The following WDFY3 variants were observed in gnomAD, a reference collection of about 807,000 sequenced individuals.
WDFY3 encodes the protein WD repeat and FYVE domain-containing protein 3.
Under a neutral mutation model 409.6 loss-of-function variants are expected in WDFY3, and 66 were observed. That is an observed-to-expected ratio of 0.16 (90% confidence interval 0.13 to 0.20). The LOEUF (loss-of-function observed/expected upper bound fraction) is 0.20. Among genes scored for constraint, WDFY3 ranks in the 10% least tolerant of loss-of-function variants. The pLI is 1.00. For synonymous variants in WDFY3, 1,521 were observed against 1,537.1 expected (o/e 0.99, Z 0.25); for missense variants, 3,031 against 4,298.1 (o/e 0.71, Z 8.24).
rs140626962 is a variant in WDFY3, at chr4:84,787,436, G to C, written c.3901+46C>G. On this transcript the variant is annotated intron_variant, in intron 23 of 67. Coordinates refer to ENST00000295888, the MANE Select transcript of WDFY3 (RefSeq NM_014991.6). ...ACACACACATGCATCTATATTGCAG[G>C]AGTTAAGTTTCATACAACTTCAAGA... 27 of 1,559,642 alleles carry C rather than the reference G, an allele frequency of 1.7e-5. No homozygotes were observed. The East Asian group carries it at 3.8e-4, about 22-fold the overall frequency.
rs557086315 is a variant in WDFY3, at chr4:84,711,618, C to T, written c.8042+1541G>A. 2.4e-4 allele frequency among the ~76,000 whole-genome samples: 36 copies of T among 152,064 alleles called. No individual in the cohort carries two copies. In the South Asian group the frequency reaches 4.8e-3, roughly 20 times the overall value. ...CTGTAATTCCAGCACTTTGGGAGGC[C>T]GAGGAGGGCGGATCGCGAGGTCGGG... On this transcript the variant is annotated intron_variant, in intron 51 of 67. Transcript: ENST00000295888.
intron 3 of WDFY3, among the ~76,000 whole-genome samples, chr4:84,877,071 G>A (rs891054369): frequency 6.6e-6 from 1 of 152,104 alleles, no homozygotes; most frequent in Non-Finnish European, 1.5e-5. Flanking sequence ...AGAACTGAAG[G>A]AATATATGTA....
chr4:84,833,944 T>C (rs939492847), intron 7 of WDFY3, among the ~76,000 whole-genome samples: 10 of 152,204 alleles, frequency 6.6e-5, no homozygotes, highest in African/African-American at 2.2e-4. Flanking sequence ...TCAGTAAATA[T>C]GGTACCCTTC....
chr4:84,789,667 ACACCCC>A, intron 22 of WDFY3, 53 bp downstream of exon 22: 1 of 1,346,056 alleles, frequency 7.4e-7, no homozygotes, highest in Non-Finnish European at 1.0e-6. Flanking sequence ...ACACACACAC[ACACCCC>A]CCAAACTACT....
chr4:84,878,671 T>C (rs1350211165), intron 3 of WDFY3, among the ~76,000 whole-genome samples: 2 of 152,230 alleles, frequency 1.3e-5, no homozygotes, highest in East Asian at 3.9e-4. Context: ...AATTCCTCTC[T>C]ACAAACTGCT....
At position 84,820,121 on chromosome 4, in the gene WDFY3, A is replaced by G; in HGVS notation, c.1657T>C (p.Leu553=). ...TTTGATCCTTGAAGAAGCACTGTCAAGGTCTCCATAACCAATAAAGCCAGG... is the reference window on the plus strand; with the variant it reads ...TTTGATCCTTGAAGAAGCACTGTCAGGGTCTCCATAACCAATAAAGCCAGG... ...KHLALLVMET[L]TVLLQGSNTN... is the part of the protein sequence containing the mutation. The change falls in exon 12 of 68, where the codon TTG becomes CTG. Residue 553 remains leucine (L), a synonymous_variant. Coordinates refer to ENST00000295888, the MANE Select transcript of WDFY3 (RefSeq NM_014991.6). 1.2e-6 allele frequency: 2 copies of G among 1,606,770 alleles called. No homozygotes were observed. Among genetic ancestry groups the G allele is most frequent in the Non-Finnish European group, 1.7e-6 (2 of 1,175,716 alleles).
chr4:84,829,301 A>T (rs1755319548), intron 8 of WDFY3, 111 bp from the exon 9 acceptor site: 1 of 887,848 alleles, frequency 1.1e-6, no homozygotes, highest in East Asian at 2.7e-5. Context: ...ATATCTGTAA[A>T]ATACTATGAG....
At chr4:84,753,581 T>C in intron 35 of WDFY3, 116 bp downstream of exon 35, 1 of 1,232,342 alleles carries the variant, frequency 8.1e-7, no homozygotes, top group South Asian at 2.0e-5. Flanking sequence ...TATGAAACTG[T>C]AACTTGGTCA....
chr4:84,783,897 AC>A (rs1747015333), intron 24 of WDFY3, among the ~76,000 whole-genome samples: 1 of 151,944 alleles, frequency 6.6e-6, no homozygotes, highest in South Asian at 2.1e-4. Flanking sequence ...ACACACACAC[AC>A]AAAAGCTCTG....
intron 20 of WDFY3, 61 bp from the exon 21 acceptor site, chr4:84,794,798 G>T: frequency 6.6e-7 from 1 of 1,512,688 alleles, no homozygotes. Context: ...TTTAAAAGAT[G>T]CCAACAAAAG....
In WDFY3 at chr4:84,783,227, C is replaced by T. The variant is rs554823706; in HGVS notation, c.4063-153G>A. On this transcript the variant is annotated intron_variant, in intron 24 of 67. Transcript: ENST00000295888. ...CGAGCATTTAGGTCCAGCCTGGTGG[C>T]TCATGCCTATAATCCTAACACTTTG... 5.9e-5 allele frequency among the ~76,000 whole-genome samples: 9 copies of T among 152,324 alleles called. No homozygotes were observed. In the South Asian group the frequency reaches 1.9e-3, roughly 32 times the overall value.
chr4:84,788,921 G>A (rs1747993157), intron 22 of WDFY3, among the ~76,000 whole-genome samples: 1 of 152,214 alleles, frequency 6.6e-6, no homozygotes, highest in Non-Finnish European at 1.5e-5. Context: ...TTGGGAGGCT[G>A]AGGCAGGAGA....
At chr4:84,678,357 G>A in intron 65 of WDFY3, 78 bp from the exon 66 acceptor site, 3 of 1,078,972 alleles carry the variant, frequency 2.8e-6, no homozygotes, top group Non-Finnish European at 4.3e-6. Flanking sequence ...CTAAGATGGT[G>A]GCCTTAAACT....
chr4:84,708,766 C>G lies in WDFY3; in HGVS notation c.8217+143G>C, dbSNP rs76059611. On this transcript the variant is annotated intron_variant, in intron 53 of 67. Transcript: ENST00000295888. ...CTGTTTCTCTGGCTGGTCTCAAAAT[C>G]CTGGGCTCAAGTGATTCGCCTCTCT... is the stretch of plus-strand genomic sequence containing the variant. 0.047 allele frequency: 38,828 copies of G among 834,890 alleles called. 1,378 individuals carry two copies. Among genetic ancestry groups the G allele is most frequent in the Admixed American group, 0.14 (4,521 of 31,800 alleles). 51.7% of individuals were successfully genotyped at this position (834,890 alleles called of 1,614,324 possible).
intron 6 of WDFY3, among the ~76,000 whole-genome samples, chr4:84,839,008 C>G (rs1220267296): frequency 6.6e-6 from 1 of 152,148 alleles, no homozygotes; most frequent in Non-Finnish European, 1.5e-5. Context: ...TAGCTCCAAA[C>G]ATAACACTGA....
At chr4:84,928,114 G>A (rs1381371522) in intron 2 of WDFY3, among the ~76,000 whole-genome samples, 2 of 152,196 alleles carry the variant, frequency 1.3e-5, no homozygotes. Flanking sequence ...TGGGGACCCA[G>A]ATGGAACAAA....
At position 84,801,224 on chromosome 4, in the gene WDFY3, T is replaced by C. The variant is rs145231834; in HGVS notation, c.2822+426A>G. Among the ~76,000 whole-genome samples the C allele has an allele frequency of 1.8e-4, 28 of 152,328 alleles. No homozygotes were observed. The East Asian group carries it at 5.0e-3, about 27-fold the overall frequency. On this transcript the variant is annotated intron_variant, in intron 17 of 67. Transcript: ENST00000295888. ...TGGTTTGGATACTGTAGTATAGTTA[T>C]GTAAGGTGTAACTACTGGAGGAAAA... is the stretch of plus-strand genomic sequence containing the variant.
Position 84,738,784 on chromosome 4 carries a change from T to C in WDFY3, c.6574+226A>G, listed in dbSNP as rs576785496. Among the ~76,000 whole-genome samples, 6 of 152,312 alleles carry C rather than the reference T, an allele frequency of 3.9e-5. No individual in the cohort carries two copies. The South Asian group carries it at 6.2e-4, about 16-fold the overall frequency. On this transcript the variant is annotated intron_variant, in intron 40 of 67. Transcript: ENST00000295888. ...CTACTTAAGCAAATGTAAATATTAA[T>C]ACCACCACCAAATCTCACAGTGTTA...
At position 84,783,094 on chromosome 4, in the gene WDFY3, A is replaced by G. The variant is rs1321169533; in HGVS notation, c.4063-20T>C. 1.3e-6 allele frequency: 2 copies of G among 1,598,004 alleles called. No individual in the cohort carries two copies. The highest frequency in any genetic ancestry group is 3.4e-5 in the Admixed American group (2 of 59,628). ...GCCTAACTGAAAAATAGGAAAGGAA[A>G]AGAATGTAATTATATAAGAACAGTT... On this transcript the variant is annotated intron_variant, in intron 24 of 67. Coordinates refer to ENST00000295888, the MANE Select transcript of WDFY3 (RefSeq NM_014991.6).
Sources: gnomAD v4.1 joint callset for allele counts (sites outside exome capture counted in the v4.1 genomes callset) on GRCh38, gnomAD v4.1.1 for gene constraint, MANE v1.5 for transcripts, NCBI Gene and HGNC (gene_info 2026-07-23, HGNC 2026-07-21) for gene names.